Variants in SGTB observed in about 807,000 individuals in gnomAD.
The protein encoded by SGTB is small glutamine-rich tetratricopeptide repeat-containing protein beta.
A neutral mutation model predicts 43.9 loss-of-function variants in SGTB; 19 were observed. The ratio of observed to expected loss-of-function variants is 0.43; its 90% confidence interval spans 0.30 to 0.63. The LOEUF is 0.63. Among genes scored for constraint, SGTB ranks in the 30% least tolerant of loss-of-function variants. The pLI is 0.12. For synonymous variants in SGTB, 116 were observed against 117.3 expected (o/e 0.99, Z 0.07); for missense variants, 304 against 358.9 (o/e 0.85, Z 1.24).
upstream of SGTB, chr5:65,722,711 G>C: frequency 2.3e-6 from 1 of 438,504 alleles, no homozygotes; most frequent in South Asian, 2.9e-5. Context: ...AAATAGTTTG[G>C]ATAAGAAAAT....
intron 8 of SGTB, among the ~76,000 whole-genome samples, chr5:65,678,144 C>T (rs1223563527): frequency 1.3e-5 from 2 of 152,186 alleles, no homozygotes; most frequent in Non-Finnish European, 2.9e-5. Context: ...GCAACTTCAG[C>T]ACAGTCTCAG....
At chr5:65,691,432 A>AT (rs939220216) in intron 5 of SGTB, among the ~76,000 whole-genome samples, 10 of 151,396 alleles carry the variant, frequency 6.6e-5, no homozygotes, top group South Asian at 4.2e-4. Flanking sequence ...TTATTTTATT[A>AT]TTTTTTTTGA....
At chr5:65,680,951 T>C (rs1757385255) in intron 6 of SGTB, among the ~76,000 whole-genome samples, 157 bp from the exon 7 acceptor site, 1 of 152,176 alleles carries the variant, frequency 6.6e-6, no homozygotes, top group Non-Finnish European at 1.5e-5. Flanking sequence ...CAAAATTCCC[T>C]CCAACTTAAG....
chr5:65,691,698 T>C (rs1757612749), intron 5 of SGTB, among the ~76,000 whole-genome samples: 1 of 149,744 alleles, frequency 6.7e-6, no homozygotes, highest in Non-Finnish European at 1.5e-5. Context: ...CCCAGCACTT[T>C]GGGAGGCCGA....
intron 5 of SGTB, among the ~76,000 whole-genome samples, chr5:65,696,045 G>GC (rs1289801316): frequency 6.6e-6 from 1 of 152,152 alleles, no homozygotes; most frequent in Non-Finnish European, 1.5e-5. Flanking sequence ...AAATAATGAG[G>GC]CCTCTGTTCC....
chr5:65,689,957 T>C (rs995335990), intron 5 of SGTB, among the ~76,000 whole-genome samples: 11 of 152,144 alleles, frequency 7.2e-5, no homozygotes, highest in African/African-American at 2.7e-4. Flanking sequence ...GTTTTGGTAG[T>C]TCATGTGAAA....
chr5:65,720,260 T>C (rs1758237311), intron 2 of SGTB, among the ~76,000 whole-genome samples: 1 of 152,036 alleles, frequency 6.6e-6, no homozygotes, highest in Non-Finnish European at 1.5e-5. Context: ...TTTTGTATTT[T>C]TAGTAGAGAC....
chr5:65,721,452 G>T (rs941271501), intron 1 of SGTB, among the ~76,000 whole-genome samples: 9 of 152,270 alleles, frequency 5.9e-5, no homozygotes, highest in Admixed American at 5.9e-4. Context: ...TGCTCTCGTG[G>T]ACAAGCTGGA....
chr5:65,706,253 T>C (rs1167176881), intron 4 of SGTB, among the ~76,000 whole-genome samples: 1 of 152,154 alleles, frequency 6.6e-6, no homozygotes, highest in Non-Finnish European at 1.5e-5. Context: ...GTTAACATTG[T>C]TTTTTATGAA....
At position 65,705,027 on chromosome 5, in the gene SGTB, AT is replaced by A. The variant is rs1166037719; in HGVS notation, c.275-650del. Among the ~76,000 whole-genome samples the A allele has an allele frequency of 2.2e-3, 334 of 152,370 alleles. 3 individuals are homozygous for A. Among genetic ancestry groups the A allele is most frequent in the African/African-American group, 7.9e-3 (330 of 41,592 alleles). ...TGATTTTCAGGAAGGGCATCTGCAG[AT>A]ACATCTGGCAGTAATTTAGCTAAGT... On this transcript the variant is annotated intron_variant, in intron 4 of 10. Transcript: ENST00000381007.
Position 65,680,664 on chromosome 5 carries a change from A to T in SGTB, c.610T>A (p.Ser204Thr). Residue 204 changes from serine to threonine, a missense_variant, in exon 7 of 11, where the codon TCC becomes ACC. Ser to Thr is a moderately conservative substitution (Grantham distance 58, BLOSUM62 1). Transcript: ENST00000381007. ...TGGCATTAACAACTTACAGGACTGG[A>T]TACCTCTCTTAACTTCTGTTCTGCT... Reference protein sequence around the residue: ...KIAEQKLREVSSPTGTGLSFD... With the variant: ...KIAEQKLREVTSPTGTGLSFD... 2 of 1,614,042 alleles carry T rather than the reference A, an allele frequency of 1.2e-6. No individual in the cohort carries two copies. The highest frequency in any genetic ancestry group is 1.7e-6 in the Non-Finnish European group (2 of 1,179,994).
At chr5:65,691,432 A>T (rs1392033048) in intron 5 of SGTB, among the ~76,000 whole-genome samples, 3 of 151,396 alleles carry the variant, frequency 2.0e-5, no homozygotes, top group African/African-American at 7.3e-5. Flanking sequence ...TTATTTTATT[A>T]TTTTTTTTGA....
intron 8 of SGTB, among the ~76,000 whole-genome samples, chr5:65,677,990 T>C (rs1056605841): frequency 3.3e-5 from 5 of 152,166 alleles, no homozygotes; most frequent in Non-Finnish European, 2.9e-5. Flanking sequence ...TTGGAAGTTT[T>C]GGCCAGGGAA....
rs562633010 is a variant in SGTB, at chr5:65,707,260, C to G, written c.274+1229G>C. On this transcript the variant is annotated intron_variant, in intron 4 of 10. Coordinates refer to ENST00000381007, the MANE Select transcript of SGTB (RefSeq NM_019072.3). ...CCGAGGTGGCAGAGAGACTCTGTCT[C>G]AAAAAAAACAAAACAAAAGCAAAAA... Among the ~76,000 whole-genome samples the G allele has an allele frequency of 4.0e-5, 6 of 149,116 alleles. No homozygotes were observed. The South Asian group carries it at 1.4e-3, about 34-fold the overall frequency.
chr5:65,718,728 A>G (rs2150726098), intron 2 of SGTB, among the ~76,000 whole-genome samples: 1 of 152,318 alleles, frequency 6.6e-6, no homozygotes, highest in East Asian at 1.9e-4. Context: ...TTAGACTCAC[A>G]GAGTCAAAAA....
intron 3 of SGTB, among the ~76,000 whole-genome samples, chr5:65,711,804 A>C (rs1758050690): frequency 1.3e-5 from 2 of 152,242 alleles, no homozygotes. Flanking sequence ...TGGAAGATCC[A>C]GTCAAGTGTG....
chr5:65,694,536 C>T (rs538346648), intron 5 of SGTB, among the ~76,000 whole-genome samples: 5 of 152,106 alleles, frequency 3.3e-5, no homozygotes, highest in Admixed American at 1.3e-4. Flanking sequence ...AGTGTAGTGA[C>T]GTGACTTCGG....
rs370103355 is a variant in SGTB at position 65,704,403 on chromosome 5, C to T, written c.275-25G>A. On this transcript the variant is annotated intron_variant, in intron 4 of 10. Transcript: ENST00000381007. Reference sequence around the variant, plus strand: ...CCTAAAATAAAGTAACCAGTATGTACAGTAAGTATAATATACATTAAAAAC... The same window carrying T: ...CCTAAAATAAAGTAACCAGTATGTATAGTAAGTATAATATACATTAAAAAC... 5 of 1,528,744 alleles carry T rather than the reference C, an allele frequency of 3.3e-6. No individual in the cohort carries two copies. In the African/African-American group the frequency reaches 6.9e-5, roughly 21 times the overall value. The allele number at this position is 1,528,744 out of a possible 1,614,324, so 94.7% of individuals were successfully genotyped here. A position where few individuals can be genotyped will look rare whatever the true frequency, so the allele number is the denominator to read the frequency against.
At chr5:65,699,196 A>G (rs551462222) in intron 5 of SGTB, among the ~76,000 whole-genome samples, 9 of 152,334 alleles carry the variant, frequency 5.9e-5, no homozygotes, top group African/African-American at 2.2e-4. Context: ...ATGGAATACT[A>G]CTCAGCCACA....
Sources: allele counts gnomAD v4.1 joint callset (sites outside exome capture counted in the v4.1 genomes callset), GRCh38; gene constraint gnomAD v4.1.1; transcripts MANE v1.5; gene names NCBI Gene and HGNC (gene_info 2026-07-23, HGNC 2026-07-21).